The following KCNS3 variants were observed in gnomAD, a reference collection of about 807,000 sequenced individuals.
The protein encoded by KCNS3 is potassium voltage-gated channel modifier subfamily S member 3, also known as delayed-rectifier potassium channel regulatory subunit KCNS3.
Under a neutral mutation model 31.0 loss-of-function variants are expected in KCNS3, and 13 were observed. That is an observed-to-expected ratio of 0.42 (90% CI 0.27 to 0.67). The LOEUF (loss-of-function observed/expected upper bound fraction) is 0.67, where lower values mean the gene tolerates loss of function less well. Among genes scored for constraint, KCNS3 ranks in the 30% least tolerant of loss-of-function variants. KCNS3 has a pLI of 0.25. For synonymous variants in KCNS3, 238 were observed against 241.5 expected (o/e 0.99, Z 0.13); for missense variants, 545 against 622.4 (o/e 0.88, Z 1.32).
chr2:17,889,145 C>T (rs1370990046), intron 1 of KCNS3, among the ~76,000 whole-genome samples: 1 of 152,024 alleles, frequency 6.6e-6, no homozygotes, highest in Non-Finnish European at 1.5e-5. Flanking sequence ...TCTTTTGACT[C>T]CTTTGTTAGG....
At chr2:17,880,642 G>T (rs918249040) in intron 1 of KCNS3, among the ~76,000 whole-genome samples, 9 of 152,226 alleles carry the variant, frequency 5.9e-5, no homozygotes, top group Non-Finnish European at 1.3e-4. Context: ...ATGCAGCTAC[G>T]CTAAGGTTTT....
chr2:17,928,419 A>G (rs563980856), intron 2 of KCNS3, among the ~76,000 whole-genome samples: 14 of 152,188 alleles, frequency 9.2e-5, no homozygotes, highest in Admixed American at 7.8e-4. Context: ...TGTGCATGAC[A>G]CCATGCCCAG....
chr2:17,901,923 G>C (rs961248847), intron 1 of KCNS3, among the ~76,000 whole-genome samples: 4 of 152,118 alleles, frequency 2.6e-5, no homozygotes, highest in Admixed American at 1.3e-4. Flanking sequence ...CAGCAAGACC[G>C]GTGTTCCCTA....
chr2:17,898,521 C>T (rs950279856), intron 1 of KCNS3, among the ~76,000 whole-genome samples: 4 of 152,154 alleles, frequency 2.6e-5, no homozygotes, highest in South Asian at 4.1e-4. Context: ...GTTCTAGGAG[C>T]TTCACATAGC....
intron 1 of KCNS3, among the ~76,000 whole-genome samples, chr2:17,915,927 TG>T (rs1662578431): frequency 6.6e-6 from 1 of 152,080 alleles, no homozygotes; most frequent in South Asian, 2.1e-4. Flanking sequence ...AGGGACAGCC[TG>T]GGATGTCATT....
intron 1 of KCNS3, among the ~76,000 whole-genome samples, chr2:17,901,839 G>A (rs879654745): frequency 2.6e-5 from 4 of 152,120 alleles, no homozygotes; most frequent in Non-Finnish European, 4.4e-5. Flanking sequence ...ATTTGTTGGT[G>A]TTCTTGACAA....
intron 1 of KCNS3, among the ~76,000 whole-genome samples, chr2:17,892,660 G>C (rs554128585): frequency 2.4e-3 from 369 of 152,266 alleles, no homozygotes; most frequent in Non-Finnish European, 4.3e-3. Flanking sequence ...CTTTTCCTAT[G>C]AATGTGGCTT....
At chr2:17,883,847 G>A (rs1674696992) in intron 1 of KCNS3, among the ~76,000 whole-genome samples, 1 of 152,016 alleles carries the variant, frequency 6.6e-6, no homozygotes. Context: ...CAAAGACTTG[G>A]AAACAACCCA....
intron 1 of KCNS3, among the ~76,000 whole-genome samples, chr2:17,893,623 C>A (rs954841694): frequency 1.3e-5 from 2 of 152,162 alleles, no homozygotes; most frequent in South Asian, 2.1e-4. Flanking sequence ...GTATTTCGCT[C>A]GGCTCTCTAA....
chr2:17,878,952 C>T (rs1475695357), intron 1 of KCNS3, 146 bp downstream of exon 1: 1 of 152,350 alleles, frequency 6.6e-6, no homozygotes, highest in Non-Finnish European at 1.5e-5. Context: ...GGTCTACGGC[C>T]GCAGAGCACT....
intron 2 of KCNS3, among the ~76,000 whole-genome samples, chr2:17,927,138 G>C (rs1282308060): frequency 1.3e-5 from 2 of 152,164 alleles, no homozygotes; most frequent in Non-Finnish European, 2.9e-5. Context: ...CTACAGCAGG[G>C]GGAAAATGCC....
In KCNS3 at chr2:17,931,460, T is replaced by C. The variant is rs1273379176; in HGVS notation, c.452T>C (p.Leu151Pro). ...GACTCCTCGTTTGAAGAGTCGTCTC[T>C]GTTTGAGAAAGAGCTGGAGAAGTTT... is the stretch of plus-strand genomic sequence containing the variant. ...STDSSFEESSLFEKELEKFDT... is the reference protein window; with the variant it reads ...STDSSFEESSPFEKELEKFDT... The change falls in exon 3 of 3, where the codon CTG (leucine) becomes CCG (proline). Residue 151 changes from leucine to proline, a missense_variant. Coordinates refer to ENST00000304101, the MANE Select transcript of KCNS3 (RefSeq NM_002252.5). The surrounding 1 kb of genome is among the most constrained non-coding windows in gnomAD (Gnocchi z 5.4). The C allele has an allele frequency of 6.2e-7, 1 of 1,614,168 alleles. No homozygotes were observed. The highest frequency in any genetic ancestry group is 8.5e-7 in the Non-Finnish European group (1 of 1,180,030).
At position 17,903,921 on chromosome 2, in the gene KCNS3, C is replaced by T. The variant is rs573419512; in HGVS notation, c.-251-13759C>T. ...TGAATAGTGCTGCAATAAACATACGCGTGCATGTGCCTTTATAGCAGCATG... is the reference window on the plus strand; with the variant it reads ...TGAATAGTGCTGCAATAAACATACGTGTGCATGTGCCTTTATAGCAGCATG... On this transcript the variant is annotated intron_variant, in intron 1 of 2. Coordinates refer to ENST00000304101, the MANE Select transcript of KCNS3 (RefSeq NM_002252.5). Among the ~76,000 whole-genome samples the T allele has an allele frequency of 3.7e-4, 56 of 152,264 alleles. 1 individual carries two copies. Among genetic ancestry groups the T allele is most frequent in the African/African-American group, 1.1e-3 (46 of 41,536 alleles).
intron 1 of KCNS3, among the ~76,000 whole-genome samples, chr2:17,897,821 G>T (rs530673723): frequency 2.0e-5 from 3 of 152,110 alleles, no homozygotes; most frequent in African/African-American, 7.2e-5. Context: ...TTACTTCTGA[G>T]GACTTAGCCA....
Position 17,930,995 on chromosome 2 carries a change from C to T in KCNS3, c.-14C>T, listed in dbSNP as rs746544221. 1.2e-6 allele frequency: 2 copies of T among 1,608,232 alleles called. No individual in the cohort carries two copies. Among genetic ancestry groups the T allele is most frequent in the Non-Finnish European group, 1.7e-6 (2 of 1,176,588 alleles). On this transcript the variant is annotated 5_prime_UTR_variant, in exon 3 of 3. Transcript: ENST00000304101. ...TCTCCCTTGCCAGCCAGCACTCTGC[C>T]TTCTGTATCCACCATGGTGTTTGGT...
chr2:17,887,118 T>C (rs1440919423), intron 1 of KCNS3, among the ~76,000 whole-genome samples: 2 of 144,208 alleles, frequency 1.4e-5, no homozygotes, highest in Non-Finnish European at 3.0e-5. Flanking sequence ...TTATTATTAT[T>C]GTTTTTATTT....
intron 1 of KCNS3, among the ~76,000 whole-genome samples, chr2:17,887,823 C>T (rs1045265331): frequency 6.6e-6 from 1 of 152,166 alleles, no homozygotes; most frequent in Non-Finnish European, 1.5e-5. Flanking sequence ...TCACCACATC[C>T]ACTTCAACAT....
intron 2 of KCNS3, among the ~76,000 whole-genome samples, chr2:17,922,249 C>T (rs1470189142): frequency 2.6e-5 from 4 of 151,572 alleles, no homozygotes; most frequent in South Asian, 2.1e-4. Context: ...GCTTTTTATC[C>T]GGATTTTATC....
Position 17,931,885 on chromosome 2 carries a change from C to T in KCNS3, c.877C>T (p.Arg293Trp), listed in dbSNP as rs760585114. The T allele has an allele frequency of 3.0e-5, 48 of 1,614,014 alleles. No homozygotes were observed. The highest frequency in any genetic ancestry group is 3.6e-5 in the Non-Finnish European group (43 of 1,180,016). ...CATGGGCAAGGTGGTCCAGATCCTA[C>T]GGCTTATGAGGATTTTCCGAATTCT... Reference protein sequence around the residue: ...ENMGKVVQILRLMRIFRILKL... With the variant: ...ENMGKVVQILWLMRIFRILKL... Residue 293 changes from arginine to tryptophan, a missense_variant, in exon 3 of 3, where the codon CGG becomes TGG. By Grantham distance (101) the Arg-to-Trp change is moderately radical. Coordinates refer to ENST00000304101, the MANE Select transcript of KCNS3 (RefSeq NM_002252.5). This position sits in a 1 kb window ranked among gnomAD's most constrained non-coding sequence, Gnocchi z 5.4.
Sources: allele counts gnomAD v4.1 joint callset (sites outside exome capture counted in the v4.1 genomes callset), GRCh38; gene constraint gnomAD v4.1.1; non-coding constraint Gnocchi (gnomAD v3.1); transcripts MANE v1.5; gene names NCBI Gene and HGNC (gene_info 2026-07-23, HGNC 2026-07-21).